Variants in BBOF1 observed in about 807,000 individuals in gnomAD.
BBOF1 encodes the protein basal body-orientation factor 1.
Under a neutral mutation model 68.0 loss-of-function variants are expected in BBOF1, and 62 were observed. The ratio of observed to expected loss-of-function variants is 0.91; its 90% CI spans 0.74 to 1.13. The LOEUF (loss-of-function observed/expected upper bound fraction) is 1.13. Among genes scored for constraint, BBOF1 ranks in the 50% most tolerant of loss-of-function variants. The pLI, the probability that BBOF1 is intolerant of heterozygous loss-of-function variation, is 0.00. For synonymous variants in BBOF1, 208 were observed against 198.8 expected, an observed-to-expected ratio of 1.05 and a Z score of -0.39; for missense variants, 534 against 600.1, an observed-to-expected ratio of 0.89 and a Z score of 1.15.
intron 9 of BBOF1, among the ~76,000 whole-genome samples, chr14:74,074,484 C>T (rs1362864365): frequency 6.6e-6 from 1 of 151,316 alleles, no homozygotes; most frequent in Non-Finnish European, 1.5e-5. Context: ...ATGTGGTTTC[C>T]CCATGTTGGC....
chr14:74,046,588 A>C (rs2059955581), intron 6 of BBOF1, among the ~76,000 whole-genome samples: 1 of 151,834 alleles, frequency 6.6e-6, no homozygotes, highest in Non-Finnish European at 1.5e-5. Context: ...GGCCGGGCTG[A>C]TCTCGAACTC....
chr14:74,057,689 T>C (rs1436429605), intron 11 of BBOF1: 42 of 1,275,072 alleles, frequency 3.3e-5, no homozygotes, highest in Non-Finnish European at 4.2e-5. Flanking sequence ...TTTTAATTTA[T>C]AATTTGTTAT....
chr14:74,040,783 CAAT>C, intron 5 of BBOF1, 138 bp downstream of exon 5: 1 of 566,672 alleles, frequency 1.8e-6, no homozygotes, highest in Non-Finnish European at 3.1e-6. Flanking sequence ...TAGCACAATA[CAAT>C]GAGGGAAAAT....
At chr14:74,069,857 T>TTG (rs1463537281), downstream of BBOF1, among the ~76,000 whole-genome samples, 15 of 149,758 alleles carry the variant, frequency 1.0e-4, no homozygotes, top group African/African-American at 3.7e-4. Flanking sequence ...AACCTTTTTT[T>TTG]TTTTTTTTTT....
rs558683329 is a variant in BBOF1, at chr14:74,057,331, C to T, written c.1578+73C>T. On this transcript the variant is annotated intron_variant, in intron 11 of 11. Coordinates refer to ENST00000394009, the MANE Select transcript of BBOF1 (RefSeq NM_025057.3). Reference sequence around the variant, plus strand: ...CCCCATGTCGCTTCTTGCTAAATCACGGTTATTTTCTCTACTAGTTGAGAG... The same window carrying T: ...CCCCATGTCGCTTCTTGCTAAATCATGGTTATTTTCTCTACTAGTTGAGAG... The T allele has an allele frequency of 2.2e-4, 357 of 1,600,846 alleles. 1 individual carries two copies. Among genetic ancestry groups the T allele is most frequent in the Non-Finnish European group, 2.9e-4 (338 of 1,172,824 alleles).
chr14:74,042,447 G>T (rs544537312), intron 5 of BBOF1, among the ~76,000 whole-genome samples: 1 of 152,322 alleles, frequency 6.6e-6, no homozygotes, highest in African/African-American at 2.4e-5. Context: ...GAGTAACAGT[G>T]CTTATGTAAA....
chr14:74,056,438 G>C (rs899494184), intron 9 of BBOF1, among the ~76,000 whole-genome samples: 1 of 151,796 alleles, frequency 6.6e-6, no homozygotes, highest in Admixed American at 6.6e-5. Flanking sequence ...GACCTGAGGT[G>C]ACCTGCCCGC....
intron 6 of BBOF1, among the ~76,000 whole-genome samples, chr14:74,047,427 A>G (rs2059975625): frequency 6.6e-6 from 1 of 150,814 alleles, no homozygotes; most frequent in Non-Finnish European, 1.5e-5. Flanking sequence ...TTATTTATTT[A>G]TTTATTTATT....
At position 74,057,997 on chromosome 14, in the gene BBOF1, T is replaced by A. The variant is rs1470894380; in HGVS notation, c.1578+739T>A. ...TGGAATATAGACAATAATGACCTTT[T>A]ATTTAACCCAGCCTATAGTTGTTGG... On this transcript the variant is annotated intron_variant, in intron 11 of 11. Coordinates refer to ENST00000394009, the MANE Select transcript of BBOF1 (RefSeq NM_025057.3). 4 of 755,860 alleles carry A rather than the reference T, an allele frequency of 5.3e-6. No homozygotes were observed. In the African/African-American group the frequency reaches 7.6e-5, roughly 14 times the overall value. The allele number at this position is 755,860 out of a possible 1,614,324, so 46.8% of individuals were successfully genotyped here.
intron 2 of BBOF1, among the ~76,000 whole-genome samples, chr14:74,028,515 T>TAGAA (rs147466614): frequency 0.42 from 53,492 of 128,880 alleles, 10,455 homozygotes; most frequent in East Asian, 0.83. Flanking sequence ...CACACACAAA[T>TAGAA]AGAGGGAAAG....
intron 9 of BBOF1, chr14:74,072,166 T>G (rs751008742): frequency 7.3e-5 from 118 of 1,613,832 alleles, no homozygotes; most frequent in Non-Finnish European, 9.4e-5. Context: ...ATGCCCTAGG[T>G]GACAGTTTGG....
downstream of BBOF1, chr14:74,066,750 A>G (rs1251028866): frequency 6.2e-7 from 1 of 1,614,074 alleles, no homozygotes; most frequent in Admixed American, 1.7e-5. Context: ...TGCCATTTTC[A>G]TAGCCTTTCA....
intron 2 of BBOF1, among the ~76,000 whole-genome samples, chr14:74,026,296 G>T (rs1188947492): frequency 2.0e-5 from 3 of 151,734 alleles, no homozygotes; most frequent in Non-Finnish European, 4.4e-5. Context: ...ACAAAAATTA[G>T]CCAGGTGTGG....
intron 3 of BBOF1, among the ~76,000 whole-genome samples, chr14:74,030,667 T>C (rs1004212147): frequency 2.8e-4 from 43 of 152,004 alleles, no homozygotes; most frequent in African/African-American, 9.9e-4. Context: ...GGCTAATTTT[T>C]TGTATTTTTA....
intron 1 of BBOF1, 81 bp downstream of exon 1, chr14:74,019,615 C>G (rs1412724900): frequency 8.5e-6 from 13 of 1,534,700 alleles, no homozygotes; most frequent in East Asian, 5.0e-5. Context: ...CTGGCGCCCC[C>G]CGCGCCGGCC....
intron 3 of BBOF1, among the ~76,000 whole-genome samples, chr14:74,033,285 G>T (rs1446524291): frequency 6.6e-6 from 1 of 152,128 alleles, no homozygotes; most frequent in Admixed American, 6.6e-5. Flanking sequence ...AATAAAAGGG[G>T]GACCGGGCGC....
chr14:74,044,072 C>G (rs1322391292), intron 5 of BBOF1, among the ~76,000 whole-genome samples: 3 of 151,664 alleles, frequency 2.0e-5, no homozygotes, highest in African/African-American at 7.3e-5. Context: ...ATAGTGAAAC[C>G]CTGTCTGTAC....
intron 9 of BBOF1, 127 bp downstream of exon 9, chr14:74,055,812 C>T (rs1459767700): frequency 1.6e-6 from 1 of 617,326 alleles, no homozygotes; most frequent in Non-Finnish European, 2.8e-6. Context: ...TATAAAAAGG[C>T]CCTACTGCTT....
chr14:74,037,286 T>C (rs2059728147), intron 4 of BBOF1, among the ~76,000 whole-genome samples: 1 of 135,868 alleles, frequency 7.4e-6, no homozygotes, highest in African/African-American at 2.7e-5. Flanking sequence ...TTTTTTTTTT[T>C]TTTTTTTTTT....
Sources: gnomAD v4.1 joint callset for allele counts (sites outside exome capture counted in the v4.1 genomes callset) on GRCh38, gnomAD v4.1.1 for gene constraint, MANE v1.5 for transcripts, NCBI Gene and HGNC (gene_info 2026-07-23, HGNC 2026-07-21) for gene names.